Variants in SFMBT2 observed in about 807,000 individuals in gnomAD.
The protein encoded by SFMBT2 is Scm like with four mbt domains 2.
In SFMBT2, 38 loss-of-function variants were observed where a neutral mutation model predicts 110.1. The ratio of observed to expected loss-of-function variants is 0.35; its 90% CI spans 0.27 to 0.45. The LOEUF (loss-of-function observed/expected upper bound fraction) is 0.45. Among genes scored for constraint, SFMBT2 ranks in the 20% least tolerant of loss-of-function variants. The pLI is 1.00. For synonymous variants in SFMBT2, 425 were observed against 425.4 expected (o/e 1.00, Z 0.01); for missense variants, 1,011 against 1,094.9 (o/e 0.92, Z 1.08).
chr10:7,257,381 T>C (rs190692818), intron 7 of SFMBT2, among the ~76,000 whole-genome samples: 14 of 152,264 alleles, frequency 9.2e-5, no homozygotes, highest in Admixed American at 2.0e-4. Context: ...CAGTGGTTGC[T>C]GTGCCTGGAA....
chr10:7,192,370 T>C (rs1838627019), intron 15 of SFMBT2, among the ~76,000 whole-genome samples: 1 of 152,152 alleles, frequency 6.6e-6, no homozygotes, highest in South Asian at 2.1e-4. Flanking sequence ...CCCTGGGTGT[T>C]ACCGATAAAC....
At chr10:7,288,853 ACCC>A (rs55956728) in intron 4 of SFMBT2, among the ~76,000 whole-genome samples, 44 of 137,924 alleles carry the variant, frequency 3.2e-4, no homozygotes, top group African/African-American at 1.1e-3. Context: ...ATATGGTGAA[ACCC>A]CCCCCCCCAT....
intron 4 of SFMBT2, chr10:7,286,456 A>AACCCAT: frequency 1.4e-6 from 1 of 729,846 alleles, no homozygotes; most frequent in Non-Finnish European, 1.7e-6. Flanking sequence ...AGAAATGGGG[A>AACCCAT]GAATAAGTAG....
chr10:7,164,744 GAAACACACAC>G (rs1248786803), intron 20 of SFMBT2, among the ~76,000 whole-genome samples: 1 of 122,238 alleles, frequency 8.2e-6, no homozygotes, highest in African/African-American at 3.8e-5. Flanking sequence ...TCCATAAAGG[GAAACACACAC>G]ACACACACAC....
At chr10:7,323,510 G>T (rs1843269089) in intron 4 of SFMBT2, among the ~76,000 whole-genome samples, 1 of 149,832 alleles carries the variant, frequency 6.7e-6, no homozygotes, top group South Asian at 2.1e-4. Context: ...CCAAATTCAG[G>T]ACAGCAGTTG....
intron 7 of SFMBT2, among the ~76,000 whole-genome samples, chr10:7,273,770 T>C (rs1212714543): frequency 1.3e-5 from 2 of 152,226 alleles, no homozygotes; most frequent in South Asian, 2.1e-4. Context: ...TCCAGCTTCA[T>C]CCATGTCCCA....
At chr10:7,272,809 T>C (rs1410487807) in intron 7 of SFMBT2, among the ~76,000 whole-genome samples, 5 of 152,162 alleles carry the variant, frequency 3.3e-5, no homozygotes, top group Admixed American at 2.0e-4. Flanking sequence ...TTTCATTTTT[T>C]TGAGACAGAG....
At chr10:7,384,238 A>AAAAAAAAAAAAAT (rs1554812962) in intron 1 of SFMBT2, among the ~76,000 whole-genome samples, 12 of 145,518 alleles carry the variant, frequency 8.2e-5, no homozygotes, top group Non-Finnish European at 1.4e-4. Context: ...AAAAAAAAAA[A>AAAAAAAAAAAAAT]CAACCACAGA....
intron 4 of SFMBT2, among the ~76,000 whole-genome samples, chr10:7,363,763 G>T (rs1194273495): frequency 2.0e-5 from 3 of 152,058 alleles, no homozygotes; most frequent in Non-Finnish European, 4.4e-5. Context: ...ACTCACCCAT[G>T]GAGCTAAGTT....
At chr10:7,387,452 G>A (rs1056616823) in intron 1 of SFMBT2, among the ~76,000 whole-genome samples, 6 of 152,224 alleles carry the variant, frequency 3.9e-5, no homozygotes, top group East Asian at 1.9e-4. Flanking sequence ...AAGTCTGTCC[G>A]TCCAACCGCA....
intron 1 of SFMBT2, among the ~76,000 whole-genome samples, chr10:7,409,697 A>G (rs935269746): frequency 6.6e-6 from 1 of 152,050 alleles, no homozygotes; most frequent in Non-Finnish European, 1.5e-5. Flanking sequence ...TAATTCGCTA[A>G]AGCGCTTCCT....
At chr10:7,164,025 T>C in intron 20 of SFMBT2, 115 bp from the exon 21 acceptor site, 2 of 1,422,764 alleles carry the variant, frequency 1.4e-6, no homozygotes, top group East Asian at 2.6e-5. Flanking sequence ...TCTTGTTTCA[T>C]TCAATTCAGG....
At chr10:7,238,972 A>G (rs923277590) in intron 9 of SFMBT2, among the ~76,000 whole-genome samples, 1 of 152,170 alleles carries the variant, frequency 6.6e-6, no homozygotes, top group Non-Finnish European at 1.5e-5. Context: ...CCAACATTCT[A>G]ACTTTTGCTT....
chr10:7,313,012 G>C (rs1842901669), intron 4 of SFMBT2, among the ~76,000 whole-genome samples: 2 of 152,164 alleles, frequency 1.3e-5, no homozygotes, highest in Admixed American at 1.3e-4. Flanking sequence ...ATAAAACACT[G>C]AGTTCTGCTC....
intron 7 of SFMBT2, among the ~76,000 whole-genome samples, chr10:7,254,479 G>A (rs1036983885): frequency 2.6e-5 from 4 of 152,168 alleles, no homozygotes; most frequent in African/African-American, 7.2e-5. Context: ...AGGATTTATA[G>A]GAGTGAAGCT....
intron 4 of SFMBT2, among the ~76,000 whole-genome samples, chr10:7,303,849 G>C (rs1184260806): frequency 6.6e-6 from 1 of 152,184 alleles, no homozygotes; most frequent in Non-Finnish European, 1.5e-5. Flanking sequence ...ATGCCAGATA[G>C]GAGCTTATCT....
At chr10:7,387,248 C>A (rs1408130559) in intron 1 of SFMBT2, among the ~76,000 whole-genome samples, 1 of 152,160 alleles carries the variant, frequency 6.6e-6, no homozygotes, top group East Asian at 1.9e-4. Flanking sequence ...TTACAGTAAA[C>A]TTTTCTTAGC....
At chr10:7,234,661 C>T (rs12411470) in intron 9 of SFMBT2, among the ~76,000 whole-genome samples, 39,456 of 152,158 alleles carry the variant, frequency 0.26, 5,325 homozygotes, top group South Asian at 0.38. Context: ...ATGAGACTTG[C>T]TTCCAAGTCC....
At chr10:7,199,623 G>A (rs1156660009) in intron 14 of SFMBT2, among the ~76,000 whole-genome samples, 1 of 152,162 alleles carries the variant, frequency 6.6e-6, no homozygotes, top group African/African-American at 2.4e-5. Context: ...GAAAAATAAT[G>A]AAGTCCACAG....
Sources: allele counts gnomAD v4.1 joint callset (sites outside exome capture counted in the v4.1 genomes callset), GRCh38; gene constraint gnomAD v4.1.1; transcripts MANE v1.5; gene names NCBI Gene and HGNC (gene_info 2026-07-23, HGNC 2026-07-21).